The following GABPA variants were observed in gnomAD, a reference collection of about 807,000 sequenced individuals.
The protein encoded by GABPA is GA binding protein transcription factor subunit alpha.
GABPA carries 4 observed loss-of-function variants against 59.4 expected under a neutral mutation model. The ratio of observed to expected loss-of-function variants is 0.07; its 90% confidence interval spans 0.03 to 0.15. The LOEUF is 0.15. GABPA is among the 10% of genes least tolerant of loss of function. GABPA has a pLI of 1.00. For synonymous variants in GABPA, 164 were observed against 183.1 expected, an observed-to-expected ratio of 0.90 and a Z score of 0.84; for missense variants, 251 against 543.8, an observed-to-expected ratio of 0.46 and a Z score of 5.36.
At chr21:25,742,216 T>C (rs1044586251) in intron 2 of GABPA, among the ~76,000 whole-genome samples, 1 of 85,930 alleles carries the variant, frequency 1.2e-5, no homozygotes, top group Non-Finnish European at 2.3e-5. Flanking sequence ...AGGAGGACAG[T>C]AGTAATGAGT....
chr21:25,762,279 T>C, intron 6 of GABPA, 33 bp from the exon 7 acceptor site: 1 of 1,321,932 alleles, frequency 7.6e-7, no homozygotes, highest in South Asian at 1.4e-5. Flanking sequence ...TTTTTGGTTT[T>C]AAATAAAAAC....
rs368427310 is a variant in GABPA, at chr21:25,772,230, C to T, written c.*2998C>T. 4 of 151,994 alleles carry T rather than the reference C, an allele frequency of 2.6e-5. No individual in the cohort carries two copies. Among genetic ancestry groups the T allele is most frequent in the African/African-American group, 9.6e-5 (4 of 41,496 alleles). The allele number at this position is 151,994 out of a possible 1,614,324, so 9.4% of individuals were successfully genotyped here. On this transcript the variant is annotated 3_prime_UTR_variant, in exon 10 of 10. Transcript: ENST00000400075. ...ATATTTCACTTGCTGCCAGGAAAAA[C>T]AAAATTCTCAATCTTTTGTAAATGG...
rs2036020845 is a variant in GABPA, at chr21:25,772,127, A to T, written c.*2895A>T. ...CTTGAAATAGCACAAAAATGTTTTA[A>T]AATTCATAATTGCAAAACAAATCTG... On this transcript the variant is annotated 3_prime_UTR_variant, in exon 10 of 10. Transcript: ENST00000400075. The T allele has an allele frequency of 6.6e-6, 1 of 152,098 alleles. No individual in the cohort carries two copies. Among genetic ancestry groups the T allele is most frequent in the African/African-American group, 2.4e-5 (1 of 41,472 alleles). 9.4% of individuals were successfully genotyped at this position (152,098 alleles called of 1,614,324 possible).
chr21:25,745,166 G>A, intron 2 of GABPA, 44 bp from the exon 3 acceptor site: 1 of 1,596,782 alleles, frequency 6.3e-7, no homozygotes, highest in Non-Finnish European at 8.5e-7. Context: ...TTGAAATCCA[G>A]GGTAAAAAAT....
In GABPA at chr21:25,745,346, G is replaced by A; in HGVS notation, c.214G>A (p.Asp72Asn). The change falls in exon 3 of 10, where the codon GAT becomes AAT. Residue 72 changes from aspartate to asparagine, a missense_variant. Asp to Asn is a conservative substitution (Grantham distance 23, BLOSUM62 1). Coordinates refer to ENST00000400075, the MANE Select transcript of GABPA (RefSeq NM_002040.4). ...GGATGCTCATGAAATTTGTCTGCAA[G>A]ATATCCAGGTAATTTTTATTTTTGT... ...SLDAHEICLQ[D>N]IQLDPERSLF... 1.2e-6 allele frequency: 2 copies of A among 1,610,686 alleles called. No homozygotes were observed. Among genetic ancestry groups the A allele is most frequent in the Non-Finnish European group, 1.7e-6 (2 of 1,179,136 alleles).
At chr21:25,758,719 G>A (rs542602693) in intron 6 of GABPA, among the ~76,000 whole-genome samples, 20 of 152,274 alleles carry the variant, frequency 1.3e-4, no homozygotes, top group African/African-American at 4.8e-4. Flanking sequence ...TAAGAGGGAA[G>A]GAAGTGTATG....
rs1009945830 is a variant in GABPA, at chr21:25,735,176, CTT to C, written c.-427_-426del. ...AAACCTTGCTCTGTACGCATGCGCT[CTT>C]TGAGTGGCCTTTCCCCTAGTTCAAG... On this transcript the variant is annotated 5_prime_UTR_variant, in exon 1 of 10. An upstream open reading frame in the 5' UTR gains an earlier in-frame stop. Transcript: ENST00000400075. 3.3e-6 allele frequency: 2 copies of C among 607,892 alleles called. No homozygotes were observed. The highest frequency in any genetic ancestry group is 1.8e-5 in the African/African-American group (1 of 54,378). 37.7% of individuals were successfully genotyped at this position (607,892 alleles called of 1,614,324 possible).
At chr21:25,757,312 A>G (rs1429639939) in intron 5 of GABPA, among the ~76,000 whole-genome samples, 4 of 152,180 alleles carry the variant, frequency 2.6e-5, no homozygotes, top group African/African-American at 7.2e-5. Context: ...TTTTTTATTT[A>G]TGAATTCAAT....
chr21:25,763,254 G>T, intron 7 of GABPA: 1 of 407,694 alleles, frequency 2.5e-6, no homozygotes, highest in Non-Finnish European at 4.7e-6. Context: ...TTTTAAGCCT[G>T]CTGAGCTCTT....
chr21:25,749,830 T>TGA lies in GABPA; in HGVS notation c.307+710_307+711insGA, dbSNP rs1316151975. ...TGGGCAACAAGAGGAAAACTCTGTC[T>TGA]CAATCAGTCAATCAATAAAAAAATA... On this transcript the variant is annotated intron_variant, in intron 4 of 9. Coordinates refer to ENST00000400075, the MANE Select transcript of GABPA (RefSeq NM_002040.4). Among the ~76,000 whole-genome samples, 13 of 152,284 alleles carry TGA rather than the reference T, an allele frequency of 8.5e-5. No individual in the cohort carries two copies. In the Middle Eastern group the frequency reaches 0.014, roughly 159 times the overall value.
At chr21:25,758,582 C>G (rs2035691511) in intron 6 of GABPA, among the ~76,000 whole-genome samples, 1 of 152,180 alleles carries the variant, frequency 6.6e-6, no homozygotes, top group Non-Finnish European at 1.5e-5. Flanking sequence ...TTGATCAGCT[C>G]TTACATTTAC....
chr21:25,747,883 C>G (rs1235643146), intron 3 of GABPA, among the ~76,000 whole-genome samples: 1 of 152,080 alleles, frequency 6.6e-6, no homozygotes, highest in African/African-American at 2.4e-5. Context: ...CATATTTAAT[C>G]TATCTGTCTA....
At chr21:25,747,467 C>A (rs2035396651) in intron 3 of GABPA, among the ~76,000 whole-genome samples, 1 of 152,120 alleles carries the variant, frequency 6.6e-6, no homozygotes, top group South Asian at 2.1e-4. Flanking sequence ...TCAGGGCTAG[C>A]TTTGGATCTA....
intron 7 of GABPA, among the ~76,000 whole-genome samples, chr21:25,762,625 A>G (rs2035792361): frequency 6.6e-6 from 1 of 152,154 alleles, no homozygotes; most frequent in Non-Finnish European, 1.5e-5. Context: ...ATCTTTACTG[A>G]CTGTTAATTA....
chr21:25,751,721 T>G (rs529925573), intron 4 of GABPA, among the ~76,000 whole-genome samples: 1 of 152,252 alleles, frequency 6.6e-6, no homozygotes, highest in South Asian at 2.1e-4. Context: ...GAACTGGTAC[T>G]TCTTTTTTTC....
intron 5 of GABPA, among the ~76,000 whole-genome samples, chr21:25,754,066 CG>C (rs1299607422): frequency 6.6e-6 from 1 of 152,136 alleles, no homozygotes; most frequent in African/African-American, 2.4e-5. Flanking sequence ...ACTAATCACA[CG>C]TCAGCACTTG....
intron 6 of GABPA, 127 bp from the exon 7 acceptor site, chr21:25,762,183 GTT>G: frequency 1.9e-6 from 1 of 536,688 alleles, no homozygotes; most frequent in Non-Finnish European, 3.4e-6. Context: ...GTAAGTTTCA[GTT>G]CAGTGTTTTG....
At chr21:25,742,123 G>A (rs2035236642) in intron 2 of GABPA, among the ~76,000 whole-genome samples, 2 of 152,330 alleles carry the variant, frequency 1.3e-5, no homozygotes, top group Non-Finnish European at 2.9e-5. Context: ...AGGTATATGA[G>A]TACTTACGGG....
intron 3 of GABPA, among the ~76,000 whole-genome samples, chr21:25,747,756 T>C (rs2035403597): frequency 6.6e-6 from 1 of 152,164 alleles, no homozygotes; most frequent in Admixed American, 6.5e-5. Context: ...GCTTATACTT[T>C]CAGAGTTACA....
Sources: allele counts gnomAD v4.1 joint callset (sites outside exome capture counted in the v4.1 genomes callset), GRCh38; gene constraint gnomAD v4.1.1; transcripts MANE v1.5; gene names NCBI Gene and HGNC (gene_info 2026-07-23, HGNC 2026-07-21).